NBEAL2: variants seen among roughly 807,000 people sequenced by gnomAD.
NBEAL2 encodes the protein neurobeachin like 2.
In NBEAL2, 160 loss-of-function variants were observed where a neutral mutation model predicts 299.8. The observed-to-expected ratio is 0.53, with a 90% CI of 0.47 to 0.61. NBEAL2 has a LOEUF of 0.61. Among genes scored for constraint, NBEAL2 ranks in the 20% least tolerant of loss-of-function variants. The probability of loss-of-function intolerance (pLI) is 0.00; values close to 1 mark genes in which losing one functional copy is unlikely to be tolerated. For synonymous variants in NBEAL2, 1,493 were observed against 1,542.3 expected (o/e 0.97, Z 0.75); for missense variants, 3,112 against 3,649.0 (o/e 0.85, Z 3.79).
chr3:46,998,803 G>A lies in NBEAL2; in HGVS notation c.3308G>A (p.Arg1103Gln), dbSNP rs374012992. The A allele has an allele frequency of 1.2e-4, 192 of 1,567,002 alleles. No individual in the cohort carries two copies. Among genetic ancestry groups the A allele is most frequent in the Non-Finnish European group, 1.6e-4 (181 of 1,156,136 alleles). The part of the protein sequence containing the change: ...LLGLAREFLV[R>Q]SLSADDVQVT... ...GGCCTGGCGAGGGAGTTCCTGGTGC[G>A]GAGTCTCTCAGCAGATGACGTGCAG... is the stretch of plus-strand genomic sequence containing the variant. Residue 1103 changes from arginine to glutamine, a missense_variant, in exon 23 of 54, where the codon CGG becomes CAG. Physicochemically the swap from Arg to Gln is conservative, Grantham distance 43 (BLOSUM62 1). Coordinates refer to ENST00000450053, the MANE Select transcript of NBEAL2 (RefSeq NM_015175.3).
chr3:46,996,751 G>A lies in NBEAL2; in HGVS notation c.2474G>A (p.Gly825Glu). 1 of 1,612,056 alleles carries A rather than the reference G, an allele frequency of 6.2e-7. No individual in the cohort carries two copies. Among genetic ancestry groups the A allele is most frequent in the Non-Finnish European group, 8.5e-7 (1 of 1,179,510 alleles). The change falls in exon 17 of 54, where the codon GGG becomes GAG. Residue 825 changes from glycine (G) to glutamate (E), a missense_variant and splice_region_variant. Gly to Glu is a moderately conservative substitution (Grantham distance 98). Around this residue, in one of 3 missense-constraint regions of NBEAL2, gnomAD observed 2,243 missense variants for 2,538.1 expected, o/e 0.88. Coordinates refer to ENST00000450053, the MANE Select transcript of NBEAL2 (RefSeq NM_015175.3). ...ATALRTLCTL[G>E]PNETAPFKPE... ...CTGAAGCCCCCTGCCCACCTCCCAG[G>A]GCCCAATGAGACGGCACCCTTCAAG...
Position 47,008,154 on chromosome 3 carries a change from A to C in NBEAL2, c.7687A>C (p.Thr2563Pro). Residue 2563 changes from threonine to proline, a missense_variant, in exon 50 of 54, where the codon ACT becomes CCT. Thr to Pro is a conservative substitution (Grantham distance 38). This residue lies in a region of NBEAL2 where 348 missense variants were observed against 381.4 expected (regional missense o/e 0.91). Transcript: ENST00000450053. ...TGCAGTGAGCTGTGTGGCCATCAGC[A>C]CTGAACTTGACATGGCTGTGTCTGG... is the stretch of plus-strand genomic sequence containing the variant. Reference protein sequence around the residue: ...GAAVSCVAISTELDMAVSGSE... With the variant: ...GAAVSCVAISPELDMAVSGSE... The C allele has an allele frequency of 1.9e-6, 3 of 1,613,968 alleles. No individual in the cohort carries two copies. The highest frequency in any genetic ancestry group is 2.5e-6 in the Non-Finnish European group (3 of 1,179,882).
intron 49 of NBEAL2, 32 bp downstream of exon 49, chr3:47,007,942 C>A: frequency 6.3e-7 from 1 of 1,599,354 alleles, no homozygotes; most frequent in South Asian, 1.1e-5. Context: ...GTGGGGCCCC[C>A]GTAGCCCAGA....
chr3:47,007,052 C>T lies in NBEAL2; in HGVS notation c.7135-14C>T, dbSNP rs1217113395. 7 of 1,603,638 alleles carry T rather than the reference C, an allele frequency of 4.4e-6. No individual in the cohort carries two copies. The East Asian group carries it at 8.9e-5, about 20-fold the overall frequency. On this transcript the variant is annotated splice_polypyrimidine_tract_variant and intron_variant, in intron 45 of 53. Coordinates refer to ENST00000450053, the MANE Select transcript of NBEAL2 (RefSeq NM_015175.3). ...AGTACTCAGGCATAGCTAGGCCTGCCCTTGCCCCTGCAGGTTGTCAGTGAT... is the reference window on the plus strand; with the variant it reads ...AGTACTCAGGCATAGCTAGGCCTGCTCTTGCCCCTGCAGGTTGTCAGTGAT...
In NBEAL2 at chr3:47,000,299, T is replaced by A. The variant is rs761899916; in HGVS notation, c.4200T>A (p.Ala1400=). 28 of 1,612,268 alleles carry A rather than the reference T, an allele frequency of 1.7e-5. No homozygotes were observed. The highest frequency in any genetic ancestry group is 3.3e-5 in the Admixed American group (2 of 59,992). ...SPLDGPRPFP[A]APGRHSSSLS... ...TGGATGGGCCGCGGCCCTTTCCTGC[T>A]GCTCCTGGCCGCCACAGCTCCAGTC... Residue 1400 remains alanine, a synonymous_variant, in exon 27 of 54, where the codon GCT becomes GCA. Coordinates refer to ENST00000450053, the MANE Select transcript of NBEAL2 (RefSeq NM_015175.3). This position sits in a 1 kb window ranked among gnomAD's most constrained non-coding sequence, Gnocchi z 4.5.
Position 47,007,281 on chromosome 3 carries a change from G to C in NBEAL2, c.7265G>C (p.Trp2422Ser). Residue 2422 changes from tryptophan to serine, a missense_variant, in exon 47 of 54, where the codon TGG (tryptophan) becomes TCG (serine). Trp to Ser is a radical substitution (Grantham distance 177). This residue lies in a region of NBEAL2 where 521 missense variants were observed against 729.6 expected (regional missense o/e 0.71). Coordinates refer to ENST00000450053, the MANE Select transcript of NBEAL2 (RefSeq NM_015175.3). ...AGTGGGCTGCTGGGCACCCACAGCT[G>C]GTTGCCCTATGACCGCAACATAAGC... ...SASGLLGTHS[W>S]LPYDRNISNY... The C allele has an allele frequency of 6.2e-7, 1 of 1,612,648 alleles. No individual in the cohort carries two copies. Among genetic ancestry groups the C allele is most frequent in the Non-Finnish European group, 8.5e-7 (1 of 1,179,388 alleles).
chr3:46,995,139 G>T lies in NBEAL2; in HGVS notation c.1404G>T (p.Arg468=). 7 of 1,574,984 alleles carry T rather than the reference G, an allele frequency of 4.4e-6. No homozygotes were observed. The highest frequency in any genetic ancestry group is 6.0e-6 in the Non-Finnish European group (7 of 1,160,632). ...WLPSLPTAEL[R]LFLAQRLRWL... ...CGTCATTGCCCACCGCTGAGCTGCG[G>T]CTCTTCCTAGCGCAACGCCTCAGGT... The change falls in exon 13 of 54, where the codon CGG becomes CGT. Residue 468 remains arginine (R), a synonymous_variant. Coordinates refer to ENST00000450053, the MANE Select transcript of NBEAL2 (RefSeq NM_015175.3).
chr3:47,008,049 G>A (rs1458723762), intron 49 of NBEAL2, 21 bp from the exon 50 acceptor site: 3 of 1,612,920 alleles, frequency 1.9e-6, no homozygotes, highest in Non-Finnish European at 2.5e-6. Context: ...ACAGTCCTAA[G>A]CCAACCCTGG....
chr3:46,991,446 G>GC lies in NBEAL2; in HGVS notation c.685dup (p.Leu229ProfsTer50). ...GCTGTAAGTGATGGCTCTGTGAAGG[G>GC]CCTGCTGAGTGTGGTGCGGGGCTGG... On this transcript the variant is annotated frameshift_variant, in exon 8 of 54. Coordinates refer to ENST00000450053, the MANE Select transcript of NBEAL2 (RefSeq NM_015175.3). LOFTEE classifies it high-confidence loss of function. The surrounding 1 kb of genome is among the most constrained non-coding windows in gnomAD (Gnocchi z 6.2). 1 of 1,611,202 alleles carries GC rather than the reference G, an allele frequency of 6.2e-7. No homozygotes were observed. The highest frequency in any genetic ancestry group is 1.1e-5 in the South Asian group (1 of 90,882).
At chr3:47,006,513 C>G in intron 45 of NBEAL2, 64 bp downstream of exon 45, 1 of 1,424,924 alleles carries the variant, frequency 7.0e-7, no homozygotes. Context: ...ACTGTCCTTA[C>G]CAACCACGTG....
intron 26 of NBEAL2, 83 bp downstream of exon 26, chr3:46,999,798 G>T (rs1474264635): frequency 1.3e-6 from 2 of 1,591,664 alleles, no homozygotes; most frequent in African/African-American, 2.7e-5. Flanking sequence ...TCTCATGAGG[G>T]GTCTCTGGAG....
Position 47,000,034 on chromosome 3 carries a change from C to T in NBEAL2, c.3935C>T (p.Ser1312Phe), listed in dbSNP as rs767525979. The change falls in exon 27 of 54, where the codon TCC (serine) becomes TTC (phenylalanine). Residue 1312 changes from serine to phenylalanine, a missense_variant. This residue lies in a region of NBEAL2 where 2,243 missense variants were observed against 2,538.1 expected (regional missense o/e 0.88). Transcript: ENST00000450053. This position sits in a 1 kb window ranked among gnomAD's most constrained non-coding sequence, Gnocchi z 4.5. ...CCGTCTTCCCCAGAGTCACCTACCT[C>T]CCCCAAGCCAGCCCCACCCAAGCCA... is the stretch of plus-strand genomic sequence containing the variant. ...PPPSSPESPTSPKPAPPKPPT... is the reference protein window; with the variant it reads ...PPPSSPESPTFPKPAPPKPPT... 5 of 1,612,982 alleles carry T rather than the reference C, an allele frequency of 3.1e-6. No individual in the cohort carries two copies. The South Asian group carries it at 4.4e-5, about 14-fold the overall frequency.
chr3:47,002,979 A>C lies in NBEAL2; in HGVS notation c.5482A>C (p.Lys1828Gln). ...CAGGGACACTCCCATCCCCCGCTGG[A>C]AACTGTCCAGCGCCGAGACATATTC... The part of the protein sequence containing the change: ...ALRDTPIPRW[K>Q]LSSAETYSRM... Residue 1828 changes from lysine to glutamine, a missense_variant, in exon 34 of 54, where the codon AAA becomes CAA. Physicochemically the swap from Lys to Gln is moderately conservative, Grantham distance 53 (BLOSUM62 1). Transcript: ENST00000450053. 1 of 1,613,354 alleles carries C rather than the reference A, an allele frequency of 6.2e-7. No homozygotes were observed. Among genetic ancestry groups the C allele is most frequent in the Non-Finnish European group, 8.5e-7 (1 of 1,179,836 alleles).
Position 46,996,549 on chromosome 3 carries a change from C to T in NBEAL2, c.2430C>T (p.His810=), listed in dbSNP as rs765935556. 7.8e-6 allele frequency: 12 copies of T among 1,542,778 alleles called. No homozygotes were observed. The highest frequency in any genetic ancestry group is 2.3e-5 in the East Asian group (1 of 43,938). Residue 810 remains histidine, a synonymous_variant, in exon 16 of 54, where the codon CAC becomes CAT. Coordinates refer to ENST00000450053, the MANE Select transcript of NBEAL2 (RefSeq NM_015175.3). The stretch of plus-strand genomic sequence containing the variant: ...AGCTGGGGGCTGTGGCCATCTTTCA[C>T]GAAGCCCTGCAGGCGACGGCTCTGA... ...EGELGAVAIF[H]EALQATALRT...
chr3:47,008,906 A>T, intron 52 of NBEAL2, 83 bp from the exon 53 acceptor site: 1 of 1,555,526 alleles, frequency 6.4e-7, no homozygotes, highest in Non-Finnish European at 8.7e-7. Context: ...GAGGACAGAG[A>T]GGGTATATGG....
chr3:46,985,149 G>T (rs995896887), intron 1 of NBEAL2, among the ~76,000 whole-genome samples: 3 of 152,188 alleles, frequency 2.0e-5, no homozygotes, highest in Admixed American at 6.5e-5. Flanking sequence ...AGACCTGTGG[G>T]GGTAGAGACA....
rs756767076 is a variant in NBEAL2 at position 46,996,257 on chromosome 3, C to G, written c.2152-14C>G. 2.5e-6 allele frequency: 4 copies of G among 1,603,808 alleles called. No homozygotes were observed. The highest frequency in any genetic ancestry group is 3.4e-6 in the Non-Finnish European group (4 of 1,179,572). The stretch of plus-strand genomic sequence containing the variant: ...TGCTGTGACCTGACCGCTCCCCCAA[C>G]CCCGGCCCCACAGCCTTTCTCCTCC... On this transcript the variant is annotated splice_polypyrimidine_tract_variant and intron_variant, in intron 15 of 53. Coordinates refer to ENST00000450053, the MANE Select transcript of NBEAL2 (RefSeq NM_015175.3).
rs763801786 is a variant in NBEAL2, at chr3:47,005,861, C to G, written c.6801+14C>G. On this transcript the variant is annotated intron_variant, in intron 42 of 53. Transcript: ENST00000450053. ...CGCCAGGCTCTGGTGAGGAAGGAACCACAGGCAAACGGCAGGCAGCCGGGG... is the reference window on the plus strand; with the variant it reads ...CGCCAGGCTCTGGTGAGGAAGGAACGACAGGCAAACGGCAGGCAGCCGGGG... 1.2e-6 allele frequency: 2 copies of G among 1,613,084 alleles called. No individual in the cohort carries two copies. The highest frequency in any genetic ancestry group is 1.7e-6 in the Non-Finnish European group (2 of 1,179,550).
Position 47,000,532 on chromosome 3 carries a change from C to A in NBEAL2, c.4305+128C>A. ...ACCAGGGTTGCAGCCACTGGTCAGGCCTATTGCTGTCCCCTCATAGCTCTC... is the reference window on the plus strand; with the variant it reads ...ACCAGGGTTGCAGCCACTGGTCAGGACTATTGCTGTCCCCTCATAGCTCTC... On this transcript the variant is annotated intron_variant, in intron 27 of 53. Transcript: ENST00000450053. The surrounding 1 kb of genome is among the most constrained non-coding windows in gnomAD (Gnocchi z 4.5). The A allele has an allele frequency of 8.3e-7, 1 of 1,205,812 alleles. No homozygotes were observed. The highest frequency in any genetic ancestry group is 1.6e-5 in the South Asian group (1 of 64,042). The allele number at this position is 1,205,812 out of a possible 1,614,324, so 74.7% of individuals were successfully genotyped here.
Sources: gnomAD v4.1 joint callset for allele counts (sites outside exome capture counted in the v4.1 genomes callset) on GRCh38, gnomAD v4.1.1 for gene constraint, gnomAD v4.1.1 regional missense constraint, Gnocchi (gnomAD v3.1) non-coding constraint, MANE v1.5 for transcripts, NCBI Gene and HGNC (gene_info 2026-07-23, HGNC 2026-07-21) for gene names.